RAVER2: variants seen among roughly 807,000 people sequenced by gnomAD.
The protein encoded by RAVER2 is ribonucleoprotein, PTB binding 2.
Under a neutral mutation model 78.1 loss-of-function variants are expected in RAVER2, and 46 were observed. The ratio of observed to expected loss-of-function variants is 0.59; its 90% CI spans 0.46 to 0.75. The LOEUF is 0.75. Ranked by LOEUF, RAVER2 falls within the 30% of genes least tolerant of loss-of-function variation. RAVER2 has a pLI of 0.00. For synonymous variants in RAVER2, 311 were observed against 313.3 expected (o/e 0.99, Z 0.08); for missense variants, 793 against 837.5 (o/e 0.95, Z 0.66).
At chr1:64,821,880 T>C (rs1653897946) in intron 11 of RAVER2, among the ~76,000 whole-genome samples, 1 of 152,168 alleles carries the variant, frequency 6.6e-6, no homozygotes, top group Non-Finnish European at 1.5e-5. Context: ...CGACAAAGTA[T>C]GGCCCATACA....
intron 11 of RAVER2, among the ~76,000 whole-genome samples, chr1:64,821,683 G>C (rs980034181): frequency 6.6e-6 from 1 of 152,114 alleles, no homozygotes; most frequent in African/African-American, 2.4e-5. Flanking sequence ...CTCCCTATTC[G>C]ATAAAAGGTG....
intron 4 of RAVER2, among the ~76,000 whole-genome samples, chr1:64,784,271 G>C (rs371546261): frequency 2.1e-4 from 32 of 152,258 alleles, no homozygotes; most frequent in Middle Eastern, 3.4e-3. Flanking sequence ...CAGCTACTTG[G>C]GGGGCTGAGG....
chr1:64,770,025 G>A (rs2100824590), intron 2 of RAVER2, among the ~76,000 whole-genome samples: 1 of 151,934 alleles, frequency 6.6e-6, no homozygotes, highest in East Asian at 1.9e-4. Flanking sequence ...ATTGATTTAA[G>A]CTACTACATG....
chr1:64,804,745 G>A (rs1451045114), exon 7 of RAVER2: 8 of 1,452,746 alleles, frequency 5.5e-6, no homozygotes, highest in Non-Finnish European at 7.7e-6. Flanking sequence ...GCTCAGTTAT[G>A]GGTAATACTT....
chr1:64,747,352 G>A (rs534627675), intron 1 of RAVER2, among the ~76,000 whole-genome samples: 1 of 152,162 alleles, frequency 6.6e-6, no homozygotes, highest in South Asian at 2.1e-4. Flanking sequence ...CTTTTTGCTA[G>A]TAAGGCCTAC....
At chr1:64,797,262 G>C (rs1289969066) in intron 5 of RAVER2, among the ~76,000 whole-genome samples, 1 of 152,164 alleles carries the variant, frequency 6.6e-6, no homozygotes, top group African/African-American at 2.4e-5. Flanking sequence ...TATCCTTACT[G>C]ATTTTTCATC....
intron 11 of RAVER2, 39 bp from the exon 12 acceptor site, chr1:64,830,800 T>G (rs1423722886): frequency 1.3e-6 from 2 of 1,530,132 alleles, no homozygotes; most frequent in South Asian, 1.2e-5. Flanking sequence ...TAAGCCAACT[T>G]TAGATTTTAA....
intron 1 of RAVER2, among the ~76,000 whole-genome samples, chr1:64,755,859 T>G (rs1387714163): frequency 6.6e-6 from 1 of 150,666 alleles, no homozygotes; most frequent in Non-Finnish European, 1.5e-5. Context: ...GTTTTAAGTA[T>G]AGCGTAAAGA....
chr1:64,825,633 A>G (rs772129181), intron 11 of RAVER2, among the ~76,000 whole-genome samples: 11 of 152,320 alleles, frequency 7.2e-5, no homozygotes, highest in East Asian at 1.9e-4. Flanking sequence ...CCTTTCCCCA[A>G]TTCTTACGAT....
At chr1:64,766,852 T>C (rs1570536978) in intron 1 of RAVER2, among the ~76,000 whole-genome samples, 7 of 152,282 alleles carry the variant, frequency 4.6e-5, no homozygotes, top group Admixed American at 3.9e-4. Flanking sequence ...GCATATGTTA[T>C]GCTGCTGAGA....
intron 1 of RAVER2, among the ~76,000 whole-genome samples, chr1:64,759,945 C>T (rs1651974862): frequency 6.6e-6 from 1 of 152,144 alleles, no homozygotes; most frequent in African/African-American, 2.4e-5. Context: ...ATATATTTAA[C>T]AAATATCAAA....
rs34812905 is a variant in RAVER2 at position 64,830,421 on chromosome 1, CTT to C, written c.1930-417_1930-416del. Among the ~76,000 whole-genome samples the C allele has an allele frequency of 8.5e-3, 1,296 of 152,318 alleles. 22 individuals are homozygous for C. The highest frequency in any genetic ancestry group is 0.03 in the African/African-American group (1,242 of 41,560). ...ATTGATTTATTCTCTCACCACTCCTCTTGTCACCAGGCACACTTAACATCTAA... is the reference window on the plus strand; with the variant it reads ...ATTGATTTATTCTCTCACCACTCCTCGTCACCAGGCACACTTAACATCTAA... On this transcript the variant is annotated intron_variant, in intron 11 of 11. Coordinates refer to ENST00000294428, the Ensembl canonical transcript of RAVER2.
chr1:64,806,838 G>A (rs1653429957), intron 8 of RAVER2, among the ~76,000 whole-genome samples: 1 of 152,030 alleles, frequency 6.6e-6, no homozygotes, highest in South Asian at 2.1e-4. Flanking sequence ...AAACAGTCAA[G>A]TTGCAATGAC....
chr1:64,770,452 C>CA (rs1652284594), intron 2 of RAVER2, among the ~76,000 whole-genome samples: 1 of 152,016 alleles, frequency 6.6e-6, no homozygotes, highest in South Asian at 2.1e-4. Context: ...AGTGCTTCCT[C>CA]ATAACTTAAC....
At chr1:64,824,855 C>T (rs545504335) in intron 11 of RAVER2, among the ~76,000 whole-genome samples, 5 of 144,934 alleles carry the variant, frequency 3.4e-5, no homozygotes, top group South Asian at 2.2e-4. Context: ...CGCTTGAGCC[C>T]GGGAGGCAGA....
rs545938538 is a variant in RAVER2, at chr1:64,823,889, C to A, written c.1930-6950C>A. 3.6e-4 allele frequency among the ~76,000 whole-genome samples: 54 copies of A among 150,578 alleles called. 1 individual carries two copies. The South Asian group carries it at 6.5e-3, about 18-fold the overall frequency. On this transcript the variant is annotated intron_variant, in intron 11 of 11. Transcript: ENST00000294428. ...TGATGCAATCTCAGCTCACTGCAAC[C>A]TCCACCTCCTGGGTTCAAGTGATTC...
rs112385559 is a variant in RAVER2 at position 64,769,312 on chromosome 1, A to T, written c.316+590A>T. Among the ~76,000 whole-genome samples, 292 of 151,890 alleles carry T rather than the reference A, an allele frequency of 1.9e-3. 1 individual carries two copies. The highest frequency in any genetic ancestry group is 6.7e-3 in the African/African-American group (278 of 41,428). Reference sequence around the variant, plus strand: ...ATGTAGATCTGTTGAATTTCTTCAGATTCAAAAAAAATGGTAAAAAGGAAC... The same window carrying T: ...ATGTAGATCTGTTGAATTTCTTCAGTTTCAAAAAAAATGGTAAAAAGGAAC... On this transcript the variant is annotated intron_variant, in intron 2 of 11. Transcript: ENST00000294428.
At chr1:64,832,806 G>C (rs1570592809) in exon 12 of RAVER2, 1 of 152,152 alleles carries the variant, frequency 6.6e-6, no homozygotes, top group African/African-American at 2.4e-5. Flanking sequence ...GGGTTTTTCA[G>C]GCCCTGCACT....
At chr1:64,755,233 A>G (rs908581324) in intron 1 of RAVER2, among the ~76,000 whole-genome samples, 20 of 152,144 alleles carry the variant, frequency 1.3e-4, no homozygotes, top group African/African-American at 4.1e-4. Context: ...TAGTAAGAAA[A>G]TAAGTTTCTC....
Sources: allele counts gnomAD v4.1 joint callset (sites outside exome capture counted in the v4.1 genomes callset), GRCh38; gene constraint gnomAD v4.1.1; transcripts MANE v1.5; gene names NCBI Gene and HGNC (gene_info 2026-07-23, HGNC 2026-07-21).